The following CCDC88C variants were observed in gnomAD, a reference collection of about 807,000 sequenced individuals.
CCDC88C encodes protein Daple.
CCDC88C carries 131 observed loss-of-function variants against 198.8 expected under a neutral mutation model. The observed-to-expected ratio is 0.66, with a 90% CI of 0.57 to 0.76. CCDC88C has a LOEUF of 0.76. Ranked by LOEUF, CCDC88C falls within the 30% of genes least tolerant of loss-of-function variation. The pLI, the probability that CCDC88C is intolerant of heterozygous loss-of-function variation, is 0.00. For missense variants in CCDC88C, 2,553 were observed against 2,631.6 expected, an observed-to-expected ratio of 0.97 and a Z score of 0.65; for synonymous variants, 1,166 against 1,114.7, an observed-to-expected ratio of 1.05 and a Z score of -0.92.
chr14:91,291,764 G>A (rs1443983572), intron 23 of CCDC88C, among the ~76,000 whole-genome samples: 1 of 152,100 alleles, frequency 6.6e-6, no homozygotes, highest in African/African-American at 2.4e-5. Context: ...CAAATCTCCC[G>A]ATTCCTAAAT....
intron 10 of CCDC88C, among the ~76,000 whole-genome samples, chr14:91,331,902 C>T (rs1403375415): frequency 6.6e-6 from 1 of 152,096 alleles, no homozygotes; most frequent in African/African-American, 2.4e-5. Context: ...TACACTGTGC[C>T]CAGGTAGGTC....
intron 25 of CCDC88C, among the ~76,000 whole-genome samples, chr14:91,287,196 A>G (rs1427648068): frequency 6.6e-6 from 1 of 152,210 alleles, no homozygotes; most frequent in African/African-American, 2.4e-5. Context: ...ACCTGAGGCA[A>G]CAGAACCCCT....
chr14:91,361,354 A>G (rs568059444), intron 3 of CCDC88C, among the ~76,000 whole-genome samples: 1 of 152,300 alleles, frequency 6.6e-6, no homozygotes, highest in South Asian at 2.1e-4. Flanking sequence ...CGAGAAGAAG[A>G]GGGGGATAAT....
In CCDC88C at chr14:91,313,301, T is replaced by C. The variant is rs781334947; in HGVS notation, c.2515A>G (p.Lys839Glu). 3 of 1,613,732 alleles carry C rather than the reference T, an allele frequency of 1.9e-6. No homozygotes were observed. In the South Asian group the frequency reaches 3.3e-5, roughly 18 times the overall value. ...QLEKDKKLLE[K>E]EAKRLWQQVE... is the part of the protein sequence containing the mutation. Reference sequence around the variant, plus strand: ...TGCTGCCACAGCCGCTTGGCCTCCTTCTCCAGCAGCTTCTTATCCTTCTCG... The same window carrying C: ...TGCTGCCACAGCCGCTTGGCCTCCTCCTCCAGCAGCTTCTTATCCTTCTCG... The change falls in exon 15 of 30, where the codon AAG (lysine) becomes GAG (glutamate). Residue 839 changes from lysine (K) to glutamate (E), a missense_variant. By Grantham distance (56) the Lys-to-Glu change is moderately conservative. This residue lies in a region of CCDC88C where 1,260 missense variants were observed against 1,412.0 expected (regional missense o/e 0.89). Transcript: ENST00000389857. This position sits in a 1 kb window ranked among gnomAD's most constrained non-coding sequence, Gnocchi z 5.2.
chr14:91,293,461 C>CCTGCCCCCTCGCCTG, intron 23 of CCDC88C, among the ~76,000 whole-genome samples: 1 of 109,544 alleles, frequency 9.1e-6, no homozygotes, highest in Non-Finnish European at 1.9e-5. Flanking sequence ...GGTCCACCTT[C>CCTGCCCCCTCGCCTG]CCATCCTCAC....
chr14:91,378,844 A>T (rs1046683341), intron 3 of CCDC88C: 17 of 152,208 alleles, frequency 1.1e-4, no homozygotes, highest in Admixed American at 1.1e-3. Flanking sequence ...CAGCTGTATA[A>T]TATTCCATTG....
At position 91,283,110 on chromosome 14, in the gene CCDC88C, C is replaced by T. The variant is rs112285106; in HGVS notation, c.4630+219G>A. 6.4e-3 allele frequency among the ~76,000 whole-genome samples: 972 copies of T among 152,268 alleles called. 5 individuals are homozygous for T. The highest frequency in any genetic ancestry group is 0.01 in the Middle Eastern group (3 of 294). On this transcript the variant is annotated intron_variant, in intron 26 of 29. Transcript: ENST00000389857. ...CGGTGGTGGCAGTGGGTTCTGAGGCCCCATTGCAGTTGGGCCTCTGAAGGG... is the reference window on the plus strand; with the variant it reads ...CGGTGGTGGCAGTGGGTTCTGAGGCTCCATTGCAGTTGGGCCTCTGAAGGG...
In CCDC88C at chr14:91,293,409, C is replaced by CAT. The variant is rs1567055213; in HGVS notation, c.4112+763_4112+764insAT. Among the ~76,000 whole-genome samples the CAT allele has an allele frequency of 1.5e-3, 59 of 40,348 alleles. 3 individuals carry two copies. The highest frequency in any genetic ancestry group is 1.8e-3 in the South Asian group (2 of 1,100). 26.5% of individuals were successfully genotyped at this position (40,348 alleles called of 152,430 possible). A position where few individuals can be genotyped will look rare whatever the true frequency, so the allele number is the denominator to read the frequency against. ...GCCTGCCACAGCCCACCTTCCTGCC[C>CAT]CCTCACCTGCCACGGCCCACCTTCC... On this transcript the variant is annotated intron_variant, in intron 23 of 29. Coordinates refer to ENST00000389857, the MANE Select transcript of CCDC88C (RefSeq NM_001080414.4).
rs1311866132 is a variant in CCDC88C, at chr14:91,342,285, T to C, written c.483+95A>G. On this transcript the variant is annotated intron_variant, in intron 6 of 29. Transcript: ENST00000389857. ...AGCAAAATCGTAATGGGTGATGTAT[T>C]CTTCAAACGTTTCCACTCATAGAGA... is the stretch of plus-strand genomic sequence containing the variant. 2.7e-5 allele frequency: 19 copies of C among 713,232 alleles called. No homozygotes were observed. In the East Asian group the frequency reaches 5.2e-4, roughly 19 times the overall value. 44.2% of individuals were successfully genotyped at this position (713,232 alleles called of 1,614,324 possible).
Position 91,288,796 on chromosome 14 carries a change from T to G in CCDC88C, c.4441+309A>C. On this transcript the variant is annotated intron_variant, in intron 25 of 29. Coordinates refer to ENST00000389857, the MANE Select transcript of CCDC88C (RefSeq NM_001080414.4). The surrounding 1 kb of genome is among the most constrained non-coding windows in gnomAD (Gnocchi z 4.2). ...GTGGGCGCCTATAATCCCAGCTACGTAGGAGGCTGAGGCAGGAGAATCACT... is the reference window on the plus strand; with the variant it reads ...GTGGGCGCCTATAATCCCAGCTACGGAGGAGGCTGAGGCAGGAGAATCACT... The G allele has an allele frequency of 4.1e-6, 1 of 242,160 alleles. No individual in the cohort carries two copies. Among genetic ancestry groups the G allele is most frequent in the East Asian group, 8.5e-5 (1 of 11,802 alleles). 15.0% of individuals were successfully genotyped at this position (242,160 alleles called of 1,614,324 possible).
intron 14 of CCDC88C, among the ~76,000 whole-genome samples, 171 bp downstream of exon 14, chr14:91,315,479 C>A (rs150111792): frequency 2.6e-5 from 4 of 152,336 alleles, no homozygotes; most frequent in Admixed American, 2.6e-4. Context: ...ATTCACCCCA[C>A]CTTTTCCCAC....
intron 3 of CCDC88C, among the ~76,000 whole-genome samples, chr14:91,395,661 C>G (rs574474269): frequency 1.3e-5 from 2 of 152,108 alleles, no homozygotes; most frequent in African/African-American, 4.8e-5. Context: ...GCCGAGAAGG[C>G]AAACCTGCCT....
intron 3 of CCDC88C, among the ~76,000 whole-genome samples, chr14:91,387,525 C>A (rs1885218509): frequency 6.6e-6 from 1 of 152,200 alleles, no homozygotes; most frequent in African/African-American, 2.4e-5. Flanking sequence ...TCTGTTGCCC[C>A]CAGATTTCCA....
chr14:91,362,016 C>T (rs1894327033), intron 3 of CCDC88C, among the ~76,000 whole-genome samples: 1 of 152,054 alleles, frequency 6.6e-6, no homozygotes, highest in African/African-American at 2.4e-5. Flanking sequence ...GGCGGATCAC[C>T]TGAGGTCAGG....
intron 3 of CCDC88C, among the ~76,000 whole-genome samples, chr14:91,392,731 C>CACG (rs1567118342): frequency 1.7e-4 from 26 of 149,658 alleles, no homozygotes; most frequent in African/African-American, 6.3e-4. Context: ...CCTCACTGAG[C>CACG]CCCCTCACTC....
chr14:91,373,333 G>A (rs545407396), intron 3 of CCDC88C, among the ~76,000 whole-genome samples: 1 of 152,308 alleles, frequency 6.6e-6, no homozygotes, highest in Non-Finnish European at 1.5e-5. Context: ...GGCCCTGGGA[G>A]CAAGTGTGCC....
chr14:91,352,143 T>C lies in CCDC88C; in HGVS notation c.340+7499A>G, dbSNP rs1041674032. Among the ~76,000 whole-genome samples the C allele has an allele frequency of 6.6e-6, 1 of 152,194 alleles. No homozygotes were observed. Among genetic ancestry groups the C allele is most frequent in the African/African-American group, 2.4e-5 (1 of 41,464 alleles). Reference sequence around the variant, plus strand: ...AAAGACCTTTGACAAATAGCATCTCTTCCCTCCTCCGCAGACGGCGGTGGC... The same window carrying C: ...AAAGACCTTTGACAAATAGCATCTCCTCCCTCCTCCGCAGACGGCGGTGGC... On this transcript the variant is annotated intron_variant, in intron 4 of 29. Transcript: ENST00000389857. This position sits in a 1 kb window ranked among gnomAD's most constrained non-coding sequence, Gnocchi z 4.2.
At chr14:91,303,043 C>T (rs1207576490) in intron 20 of CCDC88C, among the ~76,000 whole-genome samples, 5 of 152,198 alleles carry the variant, frequency 3.3e-5, no homozygotes, top group Admixed American at 6.5e-5. Context: ...CGTTTATTTC[C>T]TTCCTTTTGG....
At chr14:91,411,185 T>C (rs1217162505) in intron 2 of CCDC88C, among the ~76,000 whole-genome samples, 1 of 152,104 alleles carries the variant, frequency 6.6e-6, no homozygotes, top group African/African-American at 2.4e-5. Flanking sequence ...TCAACTACAG[T>C]TAAGGCAGGC....
Sources: allele counts gnomAD v4.1 joint callset (sites outside exome capture counted in the v4.1 genomes callset), GRCh38; gene constraint gnomAD v4.1.1; regional missense constraint gnomAD v4.1.1; non-coding constraint Gnocchi (gnomAD v3.1); transcripts MANE v1.5; gene names NCBI Gene and HGNC (gene_info 2026-07-23, HGNC 2026-07-21).